The following ANKRD42 variants were observed in gnomAD, a reference collection of about 807,000 sequenced individuals.
ANKRD42 encodes ankyrin repeat domain-containing protein 42.
Under a neutral mutation model 51.5 loss-of-function variants are expected in ANKRD42, and 43 were observed. The ratio of observed to expected loss-of-function variants is 0.83; its 90% CI spans 0.65 to 1.08. ANKRD42 has a LOEUF of 1.08. Ranked by LOEUF, ANKRD42 falls within the 50% of genes least tolerant of loss-of-function variation. The probability of loss-of-function intolerance (pLI) is 0.00; values close to 1 mark genes in which losing one functional copy is unlikely to be tolerated. For synonymous variants in ANKRD42, 203 were observed against 213.0 expected, an observed-to-expected ratio of 0.95 and a Z score of 0.41; for missense variants, 608 against 629.3, an observed-to-expected ratio of 0.97 and a Z score of 0.36.
chr11:83,252,415 TTACA>T (rs1427340193), downstream of ANKRD42, among the ~76,000 whole-genome samples: 1 of 152,208 alleles, frequency 6.6e-6, no homozygotes, highest in East Asian at 1.9e-4. Flanking sequence ...GTCAGCATTA[TTACA>T]TATATCTCTC....
At chr11:83,235,771 G>A (rs1161168731) in intron 7 of ANKRD42, among the ~76,000 whole-genome samples, 1 of 152,200 alleles carries the variant, frequency 6.6e-6, no homozygotes, top group Non-Finnish European at 1.5e-5. Flanking sequence ...GGCTTTAGGT[G>A]GGAAGACACA....
intron 3 of ANKRD42, 22 bp downstream of exon 3, chr11:83,206,187 G>T: frequency 6.4e-7 from 1 of 1,550,996 alleles, no homozygotes; most frequent in South Asian, 1.1e-5. Context: ...ACTTTTTTCA[G>T]TAAGTTCAAT....
chr11:83,206,506 TAA>T (rs1459842089), intron 3 of ANKRD42, among the ~76,000 whole-genome samples: 2 of 152,194 alleles, frequency 1.3e-5, no homozygotes, highest in Admixed American at 1.3e-4. Context: ...GTGATGGTGT[TAA>T]GAGGTGAGGC....
chr11:83,240,976 A>AAAT (rs752139100), intron 9 of ANKRD42, 42 bp downstream of exon 9: 2 of 1,559,808 alleles, frequency 1.3e-6, no homozygotes, highest in Non-Finnish European at 1.7e-6. Context: ...TTTCAGAAAT[A>AAAT]CCACAGCCAC....
chr11:83,220,625 T>C (rs1402740380), intron 5 of ANKRD42, among the ~76,000 whole-genome samples: 1 of 152,202 alleles, frequency 6.6e-6, no homozygotes, highest in Non-Finnish European at 1.5e-5. Context: ...TTCTGTCTTC[T>C]TTATAGTTGA....
At chr11:83,224,751 T>C in intron 5 of ANKRD42, 104 bp from the exon 6 acceptor site, 1 of 964,824 alleles carries the variant, frequency 1.0e-6, no homozygotes, top group Non-Finnish European at 1.4e-6. Context: ...GCCACTGCAC[T>C]CCAGCCTGGG....
At chr11:83,254,773 A>G (rs1863737311) in intron 11 of ANKRD42, among the ~76,000 whole-genome samples, 1 of 152,234 alleles carries the variant, frequency 6.6e-6, no homozygotes, top group African/African-American at 2.4e-5. Flanking sequence ...TTGTATGTAT[A>G]GTATGAAGAA....
At chr11:83,224,590 A>G (rs1862815193) in intron 5 of ANKRD42, among the ~76,000 whole-genome samples, 1 of 152,110 alleles carries the variant, frequency 6.6e-6, no homozygotes, top group Non-Finnish European at 1.5e-5. Context: ...CTAATGTGTT[A>G]TTTCTTTTTT....
intron 5 of ANKRD42, chr11:83,213,084 G>T: frequency 6.2e-7 from 1 of 1,600,614 alleles, no homozygotes; most frequent in South Asian, 1.1e-5. Context: ...CAGACTGACT[G>T]ATATGTCAAA....
chr11:83,198,497 A>G lies in ANKRD42; in HGVS notation c.77A>G (p.His26Arg). Residue 26 changes from histidine (H) to arginine (R), a missense_variant, in exon 2 of 11, where the codon CAT becomes CGT. Physicochemically the swap from His to Arg is conservative, Grantham distance 29 (BLOSUM62 0). Coordinates refer to ENST00000533342, the MANE Select transcript of ANKRD42 (RefSeq NM_001300975.2). ...TCAATAGGTTCCAGGAAGAAGGTGC[A>G]TTTTGGCAGCATACATGATGCAGTA... ...TANPCSRKKV[H>R]FGSIHDAVRA... is the part of the protein sequence containing the mutation. The G allele has an allele frequency of 1.9e-6, 3 of 1,612,650 alleles. No homozygotes were observed. In the South Asian group the frequency reaches 3.3e-5, roughly 18 times the overall value.
intron 2 of ANKRD42, among the ~76,000 whole-genome samples, chr11:83,202,812 G>A (rs1488529780): frequency 6.6e-6 from 1 of 152,110 alleles, no homozygotes; most frequent in Non-Finnish European, 1.5e-5. Flanking sequence ...TACCATTTGA[G>A]TCTCATTCAT....
At chr11:83,256,454 T>C (rs1863776318), downstream of ANKRD42, among the ~76,000 whole-genome samples, 1 of 152,192 alleles carries the variant, frequency 6.6e-6, no homozygotes, top group African/African-American at 2.4e-5. Flanking sequence ...TTTCCTCTTT[T>C]TCTCCTTGAT....
At chr11:83,215,838 C>G (rs112684292) in intron 5 of ANKRD42, among the ~76,000 whole-genome samples, 1 of 152,090 alleles carries the variant, frequency 6.6e-6, no homozygotes, top group Admixed American at 6.5e-5. Flanking sequence ...CTCTGCTACC[C>G]AGGCTGGAGT....
chr11:83,262,572 T>C (rs755102674), downstream of ANKRD42, among the ~76,000 whole-genome samples: 1 of 152,188 alleles, frequency 6.6e-6, no homozygotes, highest in Non-Finnish European at 1.5e-5. Flanking sequence ...TAAGTCTGAG[T>C]GAGGCCTTTA....
At chr11:83,204,605 G>A (rs903005773) in intron 2 of ANKRD42, among the ~76,000 whole-genome samples, 7 of 151,384 alleles carry the variant, frequency 4.6e-5, no homozygotes, top group African/African-American at 1.2e-4. Context: ...TGAAACGAAC[G>A]AACTTGGCAC....
downstream of ANKRD42, among the ~76,000 whole-genome samples, chr11:83,263,847 A>G (rs1274905556): frequency 2.6e-5 from 4 of 152,160 alleles, no homozygotes; most frequent in Non-Finnish European, 5.9e-5. Context: ...GCTTGTAGGT[A>G]GGCTATTTTA....
chr11:83,231,229 C>T (rs1231933560), intron 7 of ANKRD42, among the ~76,000 whole-genome samples: 1 of 152,106 alleles, frequency 6.6e-6, no homozygotes, highest in Admixed American at 6.5e-5. Context: ...TCGTTATTGC[C>T]TGTCTTTTGG....
chr11:83,220,090 G>A (rs1203691962), intron 5 of ANKRD42, among the ~76,000 whole-genome samples: 2 of 152,280 alleles, frequency 1.3e-5, no homozygotes, highest in East Asian at 3.9e-4. Flanking sequence ...ACCCATGCAG[G>A]GGGAGCCTCT....
At chr11:83,250,409 G>C (rs1042938496), downstream of ANKRD42, among the ~76,000 whole-genome samples, 1 of 152,102 alleles carries the variant, frequency 6.6e-6, no homozygotes, top group Admixed American at 6.6e-5. Context: ...CCTATGAGGA[G>C]GTAGAATGAT....
Sources: gnomAD v4.1 joint callset for allele counts (sites outside exome capture counted in the v4.1 genomes callset) on GRCh38, gnomAD v4.1.1 for gene constraint, MANE v1.5 for transcripts, NCBI Gene and HGNC (gene_info 2026-07-23, HGNC 2026-07-21) for gene names.